TNS1: variants seen among roughly 807,000 people sequenced by gnomAD.
TNS1 encodes tensin 1.
A neutral mutation model predicts 168.6 loss-of-function variants in TNS1; 62 were observed. That is an observed-to-expected ratio of 0.37 (90% CI 0.30 to 0.45). The LOEUF (loss-of-function observed/expected upper bound fraction) is 0.45. Among genes scored for constraint, TNS1 ranks in the 20% least tolerant of loss-of-function variants. TNS1 has a pLI of 1.00. For synonymous variants in TNS1, 934 were observed against 933.2 expected (o/e 1.00, Z -0.02); for missense variants, 2,240 against 2,339.4 (o/e 0.96, Z 0.88).
chr2:217,858,219 C>A (rs1462328035), intron 18 of TNS1, among the ~76,000 whole-genome samples: 2 of 152,132 alleles, frequency 1.3e-5, no homozygotes, highest in African/African-American at 4.8e-5. Flanking sequence ...GGCCCCCCCA[C>A]CAACCCAGAT....
At chr2:218,003,524 A>AGC (rs113990766), upstream of TNS1, among the ~76,000 whole-genome samples, 7,258 of 152,166 alleles carry the variant, frequency 0.048, 422 homozygotes, top group East Asian at 0.16. Context: ...CCAAGCTCAG[A>AGC]GCCCAGGACA....
intron 32 of TNS1, among the ~76,000 whole-genome samples, chr2:217,806,915 C>A (rs560180731): frequency 6.6e-6 from 1 of 152,336 alleles, no homozygotes; most frequent in East Asian, 1.9e-4. Flanking sequence ...CCTGAAATAG[C>A]CCCTCCTACT....
chr2:217,892,827 G>T lies in TNS1; in HGVS notation c.782+121C>A, dbSNP rs949749092. Reference sequence around the variant, plus strand: ...AGGGGCCCCTTCCCCCGTCCTCATCGCTTCTCATTCCCTCTGTGCGTATCC... The same window carrying T: ...AGGGGCCCCTTCCCCCGTCCTCATCTCTTCTCATTCCCTCTGTGCGTATCC... On this transcript the variant is annotated intron_variant, in intron 11 of 32. Coordinates refer to ENST00000682258, the MANE Select transcript of TNS1 (RefSeq NM_001387777.1). 75 of 1,146,084 alleles carry T rather than the reference G, an allele frequency of 6.5e-5. No individual in the cohort carries two copies. The African/African-American group carries it at 9.5e-4, about 15-fold the overall frequency. The allele number at this position is 1,146,084 out of a possible 1,614,324, so 71.0% of individuals were successfully genotyped here. A position where few individuals can be genotyped will look rare whatever the true frequency, so the allele number is the denominator to read the frequency against.
chr2:217,810,134 T>A (rs1384864401), intron 29 of TNS1, 114 bp downstream of exon 29: 1 of 1,445,764 alleles, frequency 6.9e-7, no homozygotes, highest in Admixed American at 1.9e-5. Context: ...AATGTGATCT[T>A]CCCAGAGACA....
At chr2:217,920,911 C>T (rs764469669) in intron 3 of TNS1, among the ~76,000 whole-genome samples, 6 of 151,672 alleles carry the variant, frequency 4.0e-5, no homozygotes. Flanking sequence ...TCATCTTCCT[C>T]TCTGATCCAG....
rs146341310 is a variant in TNS1 at position 217,961,235 on chromosome 2, T to TCACA, written c.186+17526_186+17529dup. On this transcript the variant is annotated intron_variant, in intron 3 of 32. Transcript: ENST00000682258. ...CTCAGGGTGTCTCTCTCTCTCTCTCTCACACACACACACACACACACACAC... is the reference window on the plus strand; with the variant it reads ...CTCAGGGTGTCTCTCTCTCTCTCTCTCACACACACACACACACACACACACACAC... Among the ~76,000 whole-genome samples the TCACA allele has an allele frequency of 2.4e-3, 347 of 144,948 alleles. 5 individuals carry two copies. The East Asian group carries it at 0.048, about 20-fold the overall frequency.
intron 1 of TNS1, among the ~76,000 whole-genome samples, chr2:218,020,083 A>G (rs1274180904): frequency 6.6e-6 from 1 of 152,126 alleles, no homozygotes; most frequent in Non-Finnish European, 1.5e-5. Context: ...CCCCACTAAA[A>G]CAACAATAAG....
chr2:217,992,021 C>G (rs111236435), intron 1 of TNS1, among the ~76,000 whole-genome samples: 3 of 152,172 alleles, frequency 2.0e-5, no homozygotes, highest in East Asian at 1.9e-4. Context: ...TGGCACCACA[C>G]CCCTGGAGCT....
chr2:217,840,846 G>C (rs1287797313), intron 19 of TNS1, among the ~76,000 whole-genome samples: 1 of 152,250 alleles, frequency 6.6e-6, no homozygotes, highest in African/African-American at 2.4e-5. Context: ...TGTTAGTCTA[G>C]TTATTCCAGG....
intron 16 of TNS1, among the ~76,000 whole-genome samples, chr2:217,883,449 G>T (rs1950869512): frequency 6.6e-6 from 1 of 151,966 alleles, no homozygotes; most frequent in African/African-American, 2.4e-5. Flanking sequence ...ATTTTTTGTA[G>T]AGATGGGGTC....
chr2:217,959,548 C>T (rs1957445757), intron 3 of TNS1, among the ~76,000 whole-genome samples: 1 of 151,060 alleles, frequency 6.6e-6, no homozygotes, highest in African/African-American at 2.4e-5. Context: ...AACCTGGTGC[C>T]TTAGCATGGA....
chr2:217,862,272 G>C (rs1261212792), intron 18 of TNS1, among the ~76,000 whole-genome samples: 1 of 146,068 alleles, frequency 6.8e-6, no homozygotes, highest in Non-Finnish European at 1.5e-5. Flanking sequence ...TTTCTATTTG[G>C]GGGAAAAAAA....
At chr2:217,900,080 G>T (rs1170254943) in intron 7 of TNS1, among the ~76,000 whole-genome samples, 5 of 152,150 alleles carry the variant, frequency 3.3e-5, no homozygotes, top group Admixed American at 3.3e-4. Context: ...TCCAGCACAG[G>T]CCTCAATGCT....
intron 3 of TNS1, among the ~76,000 whole-genome samples, chr2:217,962,079 T>G (rs1396627529): frequency 6.6e-6 from 1 of 152,214 alleles, no homozygotes; most frequent in African/African-American, 2.4e-5. Context: ...GCCAATCCCT[T>G]ACAATAAATT....
rs563656804 is a variant in TNS1 at position 217,986,520 on chromosome 2, G to A, written c.148+4422C>T. Among the ~76,000 whole-genome samples the A allele has an allele frequency of 6.6e-6, 1 of 152,276 alleles. No individual in the cohort carries two copies. Among genetic ancestry groups the A allele is most frequent in the East Asian group, 1.9e-4 (1 of 5,172 alleles). The stretch of plus-strand genomic sequence containing the variant: ...GGGTTTCGGCCTGGTGGGAGGTAGA[G>A]CCCTTGAGCAAAGCTCTGAGTCCAC... On this transcript the variant is annotated intron_variant, in intron 2 of 32. Coordinates refer to ENST00000682258, the MANE Select transcript of TNS1 (RefSeq NM_001387777.1). The surrounding 1 kb of genome is among the most constrained non-coding windows in gnomAD (Gnocchi z 4.7).
At chr2:218,026,190 C>A (rs188214556) in intron 1 of TNS1, among the ~76,000 whole-genome samples, 1 of 152,256 alleles carries the variant, frequency 6.6e-6, no homozygotes, top group African/African-American at 2.4e-5. Context: ...TGGAGGAAAC[C>A]AAGGCACAGA....
chr2:217,928,824 C>T (rs1405877210), intron 3 of TNS1, among the ~76,000 whole-genome samples: 1 of 152,186 alleles, frequency 6.6e-6, no homozygotes, highest in Non-Finnish European at 1.5e-5. Flanking sequence ...CAGCCCCACT[C>T]ACTGACCCCC....
chr2:217,817,592 T>A (rs1455006082), intron 24 of TNS1, 98 bp downstream of exon 24: 5 of 1,093,538 alleles, frequency 4.6e-6, no homozygotes, highest in Non-Finnish European at 6.5e-6. Context: ...CAGGGTCGTC[T>A]GCCAAGAGAA....
chr2:217,972,519 C>T (rs1487614357), intron 3 of TNS1, among the ~76,000 whole-genome samples: 2 of 152,224 alleles, frequency 1.3e-5, no homozygotes, highest in Non-Finnish European at 2.9e-5. Context: ...GAGATTTAAG[C>T]CCTTTTGGTA....
Sources: gnomAD v4.1 joint callset for allele counts (sites outside exome capture counted in the v4.1 genomes callset) on GRCh38, gnomAD v4.1.1 for gene constraint, Gnocchi (gnomAD v3.1) non-coding constraint, MANE v1.5 for transcripts, NCBI Gene and HGNC (gene_info 2026-07-23, HGNC 2026-07-21) for gene names.